Variants in HTR1F observed in about 807,000 individuals in gnomAD.
HTR1F encodes 5-hydroxytryptamine (serotonin) receptor 1F, G protein-coupled.
A neutral mutation model predicts 24.0 loss-of-function variants in HTR1F; 17 were observed. The ratio of observed to expected loss-of-function variants is 0.71; its 90% confidence interval spans 0.48 to 1.06. The LOEUF (loss-of-function observed/expected upper bound fraction) is 1.06. Among genes scored for constraint, HTR1F ranks in the 50% least tolerant of loss-of-function variants. The pLI is 0.00. For missense variants in HTR1F, 391 were observed against 427.8 expected (o/e 0.91, Z 0.76); for synonymous variants, 186 against 156.8 (o/e 1.19, Z -1.39).
At chr3:87,849,984 A>G (rs1705044092) in intron 2 of HTR1F, among the ~76,000 whole-genome samples, 1 of 151,986 alleles carries the variant, frequency 6.6e-6, no homozygotes. Context: ...ATGTGGAGAA[A>G]TAAGAACACT....
intron 2 of HTR1F, among the ~76,000 whole-genome samples, chr3:87,930,288 C>T (rs1326901315): frequency 6.6e-6 from 1 of 152,052 alleles, no homozygotes; most frequent in African/African-American, 2.4e-5. Flanking sequence ...TTTCTTTTGC[C>T]TGATTGCTCT....
At chr3:87,934,820 C>A (rs1211207334) in intron 2 of HTR1F, among the ~76,000 whole-genome samples, 1 of 152,150 alleles carries the variant, frequency 6.6e-6, no homozygotes, top group African/African-American at 2.4e-5. Context: ...TACGGAGTTG[C>A]ATTAAAAATT....
intron 2 of HTR1F, among the ~76,000 whole-genome samples, chr3:87,823,585 G>C (rs1704403349): frequency 6.7e-6 from 1 of 149,280 alleles, no homozygotes; most frequent in Non-Finnish European, 1.5e-5. Context: ...CACAGTCACA[G>C]CTCATTGCAG....
chr3:87,831,164 T>TTA (rs938152612), intron 2 of HTR1F, among the ~76,000 whole-genome samples: 2 of 151,822 alleles, frequency 1.3e-5, no homozygotes, highest in Non-Finnish European at 2.9e-5. Flanking sequence ...TGAAATATTC[T>TTA]TATATATATG....
intron 2 of HTR1F, among the ~76,000 whole-genome samples, chr3:87,973,005 C>CA (rs34843722): frequency 0.81 from 114,870 of 141,132 alleles, 47,534 homozygotes; most frequent in East Asian, 0.95. Flanking sequence ...TACTAAAATA[C>CA]AAAAAAAAAA....
intron 1 of HTR1F, among the ~76,000 whole-genome samples, chr3:87,803,968 G>A (rs891704571): frequency 6.6e-6 from 1 of 152,090 alleles, no homozygotes; most frequent in Non-Finnish European, 1.5e-5. Flanking sequence ...TGGTGAAACT[G>A]GGCGTACAAA....
chr3:87,810,438 A>G (rs1432108456), intron 1 of HTR1F, among the ~76,000 whole-genome samples: 2 of 152,176 alleles, frequency 1.3e-5, no homozygotes, highest in Non-Finnish European at 2.9e-5. Flanking sequence ...CCAAGCAGAC[A>G]GTAGGCCTAG....
chr3:87,809,270 T>C lies in HTR1F; in HGVS notation c.-159-12738T>C, dbSNP rs1704122423. Among the ~76,000 whole-genome samples, 3 of 151,894 alleles carry C rather than the reference T, an allele frequency of 2.0e-5. No individual in the cohort carries two copies. In the South Asian group the frequency reaches 6.2e-4, roughly 31 times the overall value. On this transcript the variant is annotated intron_variant, in intron 1 of 2. Transcript: ENST00000319595. ...TGTACTAAATAATAGCATATAATTATATTTAGAGAGATAGTCCATTTGAAT... is the reference window on the plus strand; with the variant it reads ...TGTACTAAATAATAGCATATAATTACATTTAGAGAGATAGTCCATTTGAAT...
At chr3:87,930,657 A>T (rs1393271349) in intron 2 of HTR1F, among the ~76,000 whole-genome samples, 1 of 151,980 alleles carries the variant, frequency 6.6e-6, no homozygotes, top group Non-Finnish European at 1.5e-5. Context: ...TGGTGAATAA[A>T]CTTTTTTATG....
chr3:87,929,633 C>G (rs1333459307), intron 2 of HTR1F, among the ~76,000 whole-genome samples: 1 of 152,210 alleles, frequency 6.6e-6, no homozygotes, highest in Admixed American at 6.5e-5. Flanking sequence ...TATTTCTGGG[C>G]TCTCTACTCA....
At chr3:87,842,621 A>G (rs1704834230) in intron 2 of HTR1F, among the ~76,000 whole-genome samples, 1 of 151,978 alleles carries the variant, frequency 6.6e-6, no homozygotes, top group South Asian at 2.1e-4. Context: ...AAATTGTTAA[A>G]GTCATAGAAA....
chr3:87,879,297 G>C (rs967825374), intron 2 of HTR1F, among the ~76,000 whole-genome samples: 1 of 152,080 alleles, frequency 6.6e-6, no homozygotes, highest in Non-Finnish European at 1.5e-5. Context: ...AGAGTATAAT[G>C]CATTTAATCA....
At chr3:87,858,084 C>G (rs565292961) in intron 2 of HTR1F, among the ~76,000 whole-genome samples, 1 of 152,148 alleles carries the variant, frequency 6.6e-6, no homozygotes, top group African/African-American at 2.4e-5. Flanking sequence ...AATCTATTCT[C>G]TACCCTAGTC....
intron 2 of HTR1F, among the ~76,000 whole-genome samples, chr3:87,896,079 T>C (rs909698395): frequency 6.6e-6 from 1 of 152,194 alleles, no homozygotes; most frequent in Non-Finnish European, 1.5e-5. Flanking sequence ...TTCCCCCACT[T>C]TGAAAGAGTG....
At chr3:87,953,359 AAAAAG>A (rs1704876198) in intron 2 of HTR1F, among the ~76,000 whole-genome samples, 1 of 151,642 alleles carries the variant, frequency 6.6e-6, no homozygotes, top group Non-Finnish European at 1.5e-5. Flanking sequence ...CGGCAAAAAA[AAAAAG>A]AAAAGAAAAT....
At chr3:87,956,647 T>C (rs1704950053) in intron 2 of HTR1F, among the ~76,000 whole-genome samples, 1 of 151,386 alleles carries the variant, frequency 6.6e-6, no homozygotes, top group Admixed American at 6.6e-5. Context: ...TAGGTCTTCT[T>C]TAAATTTCTC....
chr3:87,944,849 T>C (rs1200695136), intron 2 of HTR1F, among the ~76,000 whole-genome samples: 1 of 152,194 alleles, frequency 6.6e-6, no homozygotes, highest in Non-Finnish European at 1.5e-5. Flanking sequence ...TTAAAGATTT[T>C]AATAGGAAGG....
intron 2 of HTR1F, among the ~76,000 whole-genome samples, chr3:87,854,824 C>T (rs1282092581): frequency 6.6e-6 from 1 of 151,942 alleles, no homozygotes; most frequent in African/African-American, 2.4e-5. Flanking sequence ...ATTTAAGACT[C>T]GTCTTGACAT....
intron 2 of HTR1F, among the ~76,000 whole-genome samples, chr3:87,914,680 C>A (rs1336411766): frequency 6.6e-6 from 1 of 151,998 alleles, no homozygotes; most frequent in African/African-American, 2.4e-5. Flanking sequence ...TCCACAGCAG[C>A]CCCAGCTAGA....
Sources: allele counts gnomAD v4.1 joint callset (sites outside exome capture counted in the v4.1 genomes callset), GRCh38; gene constraint gnomAD v4.1.1; transcripts MANE v1.5; gene names NCBI Gene and HGNC (gene_info 2026-07-23, HGNC 2026-07-21).